The following HMG20A variants were observed in gnomAD, a reference collection of about 807,000 sequenced individuals.
The protein encoded by HMG20A is high mobility group 20A.
HMG20A carries 17 observed loss-of-function variants against 43.9 expected under a neutral mutation model. The ratio of observed to expected loss-of-function variants is 0.39; its 90% CI spans 0.27 to 0.58. The LOEUF is 0.58. Ranked by LOEUF, HMG20A falls within the 20% of genes least tolerant of loss-of-function variation. The pLI, the probability that HMG20A is intolerant of heterozygous loss-of-function variation, is 0.59. For missense variants in HMG20A, 341 were observed against 438.2 expected (o/e 0.78, Z 1.98); for synonymous variants, 132 against 147.5 (o/e 0.89, Z 0.76).
chr15:77,423,088 A>G (rs574974032), intron 1 of HMG20A, among the ~76,000 whole-genome samples: 1 of 152,318 alleles, frequency 6.6e-6, no homozygotes, highest in Middle Eastern at 3.4e-3. Context: ...TGTCTTTATT[A>G]AATTGGTCTT....
At chr15:77,434,776 CAT>C (rs1452979946) in intron 1 of HMG20A, among the ~76,000 whole-genome samples, 2 of 152,072 alleles carry the variant, frequency 1.3e-5, no homozygotes, top group Admixed American at 6.5e-5. Flanking sequence ...CACTGAAACT[CAT>C]ATGTTTCTGG....
At chr15:77,519,031 C>G in the HMG20A span, among the ~76,000 whole-genome samples, 3 of 152,194 alleles carry the variant, frequency 2.0e-5, no homozygotes, top group African/African-American at 7.2e-5. Flanking sequence ...TACCCCATTT[C>G]CTTTTAGAAA....
At chr15:77,519,068 C>G in the HMG20A span, among the ~76,000 whole-genome samples, 2 of 152,172 alleles carry the variant, frequency 1.3e-5, no homozygotes, top group African/African-American at 4.8e-5. Flanking sequence ...AGCAATAGAG[C>G]AAGCCAAATG....
At chr15:77,466,381 CAAAAA>C (rs561614194) in intron 3 of HMG20A, among the ~76,000 whole-genome samples, 2 of 147,754 alleles carry the variant, frequency 1.4e-5, no homozygotes, top group African/African-American at 2.5e-5. Flanking sequence ...AACTCTACCT[CAAAAA>C]AAAAATTAAA....
chr15:77,454,396 A>G (rs1438065464), intron 1 of HMG20A, among the ~76,000 whole-genome samples: 1 of 152,190 alleles, frequency 6.6e-6, no homozygotes, highest in East Asian at 1.9e-4. Context: ...TATCTTCCAA[A>G]AAAAGCAATT....
the HMG20A span, among the ~76,000 whole-genome samples, chr15:77,517,025 C>G: frequency 1.3e-5 from 2 of 152,176 alleles, no homozygotes; most frequent in Non-Finnish European, 2.9e-5. Flanking sequence ...GACCCCTGCT[C>G]GAGCCAGTCT....
chr15:77,422,131 GTC>G (rs1567385941), intron 1 of HMG20A, among the ~76,000 whole-genome samples: 1 of 152,180 alleles, frequency 6.6e-6, no homozygotes, highest in African/African-American at 2.4e-5. Context: ...AAGGGTGTGT[GTC>G]TGTGTATTGA....
intron 1 of HMG20A, among the ~76,000 whole-genome samples, chr15:77,425,030 C>CT (rs1424278703): frequency 1.3e-4 from 20 of 152,064 alleles, no homozygotes. Context: ...CTGAAACACT[C>CT]TTTTTTCCTA....
At chr15:77,495,242 A>G in the HMG20A span, among the ~76,000 whole-genome samples, 13 of 152,254 alleles carry the variant, frequency 8.5e-5, no homozygotes, top group Non-Finnish European at 1.6e-4. Flanking sequence ...CTGCAGGCCC[A>G]GTAGCTTCCA....
At chr15:77,440,212 T>C (rs1266061007) in intron 1 of HMG20A, among the ~76,000 whole-genome samples, 3 of 152,170 alleles carry the variant, frequency 2.0e-5, no homozygotes, top group Non-Finnish European at 4.4e-5. Flanking sequence ...CACTTTTCTC[T>C]AATGTGGTTA....
chr15:77,491,053 AC>A, the HMG20A span, among the ~76,000 whole-genome samples: 1 of 152,276 alleles, frequency 6.6e-6, no homozygotes. Flanking sequence ...AATTTTTAAA[AC>A]TTGCATCTGC....
intron 1 of HMG20A, among the ~76,000 whole-genome samples, chr15:77,443,168 G>T (rs920122363): frequency 2.7e-5 from 4 of 150,624 alleles, no homozygotes; most frequent in Admixed American, 6.6e-5. Flanking sequence ...GAGTAGCTGG[G>T]ATTATAGGCT....
chr15:77,437,327 T>A (rs2073560298), intron 1 of HMG20A, among the ~76,000 whole-genome samples: 2 of 152,238 alleles, frequency 1.3e-5, no homozygotes, highest in South Asian at 4.1e-4. Context: ...TACATATTAC[T>A]GAAAATATGT....
At chr15:77,513,394 CA>C in the HMG20A span, among the ~76,000 whole-genome samples, 1 of 152,188 alleles carries the variant, frequency 6.6e-6, no homozygotes, top group Non-Finnish European at 1.5e-5. Context: ...TTATGTTTGC[CA>C]AAAGTCATGT....
intron 1 of HMG20A, among the ~76,000 whole-genome samples, chr15:77,426,252 G>A (rs1026425720): frequency 6.6e-6 from 1 of 152,082 alleles, no homozygotes; most frequent in Non-Finnish European, 1.5e-5. Context: ...GGGGTTCGGG[G>A]TGCTAACCCC....
At chr15:77,514,386 A>G in the HMG20A span, among the ~76,000 whole-genome samples, 1 of 152,248 alleles carries the variant, frequency 6.6e-6, no homozygotes, top group Admixed American at 6.5e-5. Context: ...CGATTTAATG[A>G]TAGGTGGGTA....
intron 9 of HMG20A, chr15:77,482,045 AG>A (rs2072909412): frequency 1.3e-5 from 2 of 152,236 alleles, no homozygotes; most frequent in African/African-American, 4.8e-5. Flanking sequence ...ACTGAATCCC[AG>A]AGAGGAGAAA....
chr15:77,475,095 C>T (rs1422279112), intron 6 of HMG20A, among the ~76,000 whole-genome samples: 2 of 152,146 alleles, frequency 1.3e-5, no homozygotes, highest in Non-Finnish European at 2.9e-5. Flanking sequence ...TGACACTCAG[C>T]TTGAACAAAT....
chr15:77,462,434 T>C (rs948761175), intron 2 of HMG20A, among the ~76,000 whole-genome samples: 2 of 152,216 alleles, frequency 1.3e-5, no homozygotes, highest in Admixed American at 6.5e-5. Context: ...CTGGAGAATA[T>C]CTAGCACTGC....
Sources: allele counts gnomAD v4.1 joint callset (sites outside exome capture counted in the v4.1 genomes callset), GRCh38; gene constraint gnomAD v4.1.1; transcripts MANE v1.5; gene names NCBI Gene and HGNC (gene_info 2026-07-23, HGNC 2026-07-21).